Variants in CHN2 observed in about 807,000 individuals in gnomAD.
CHN2 encodes the protein beta-chimaerin.
A neutral mutation model predicts 56.3 loss-of-function variants in CHN2; 35 were observed. The ratio of observed to expected loss-of-function variants is 0.62; its 90% CI spans 0.47 to 0.82. CHN2 has a LOEUF of 0.82. Ranked by LOEUF, CHN2 falls within the 40% of genes least tolerant of loss-of-function variation. The pLI is 0.00. For missense variants in CHN2, 491 were observed against 580.5 expected (o/e 0.85, Z 1.58); for synonymous variants, 210 against 212.8 (o/e 0.99, Z 0.12).
chr7:29,172,656 T>A (rs115394025), intron 2 of CHN2, among the ~76,000 whole-genome samples: 1,568 of 152,358 alleles, frequency 0.01, 25 homozygotes, highest in African/African-American at 0.035. Context: ...TTCCTTTTTT[T>A]AAATATTAAT....
At chr7:29,162,030 C>T (rs539520979) in intron 2 of CHN2, among the ~76,000 whole-genome samples, 24 of 152,320 alleles carry the variant, frequency 1.6e-4, no homozygotes, top group Admixed American at 1.2e-3. Flanking sequence ...ATACCAAACA[C>T]TGGCATGGAT....
At chr7:29,339,896 A>G (rs1796912994) in intron 1 of CHN2, among the ~76,000 whole-genome samples, 1 of 151,892 alleles carries the variant, frequency 6.6e-6, no homozygotes, top group African/African-American at 2.4e-5. Flanking sequence ...ATAATATAAT[A>G]TATATGCCAA....
intron 6 of CHN2, among the ~76,000 whole-genome samples, chr7:29,477,639 G>GC (rs1195140582): frequency 6.6e-6 from 1 of 152,242 alleles, no homozygotes; most frequent in East Asian, 1.9e-4. Flanking sequence ...GGGAAGCCCT[G>GC]CAAAGGTATG....
intron 1 of CHN2, chr7:29,198,120 C>CA: frequency 2.2e-6 from 1 of 447,740 alleles, no homozygotes; most frequent in Non-Finnish European, 4.5e-6. Context: ...GTTCAGGTAG[C>CA]AGTGGGTTTG....
intron 1 of CHN2, among the ~76,000 whole-genome samples, chr7:29,198,817 A>G (rs1240737428): frequency 1.3e-5 from 2 of 152,216 alleles, no homozygotes; most frequent in South Asian, 2.1e-4. Context: ...TCAAGAAAAA[A>G]ATCAACCCAA....
chr7:29,256,065 T>A (rs954443968), intron 1 of CHN2, among the ~76,000 whole-genome samples: 1 of 152,238 alleles, frequency 6.6e-6, no homozygotes, highest in African/African-American at 2.4e-5. Context: ...TTGTAACACA[T>A]GCCTTTTTTC....
chr7:29,310,633 TCA>T (rs2128885726), intron 1 of CHN2, among the ~76,000 whole-genome samples: 1 of 152,344 alleles, frequency 6.6e-6, no homozygotes, highest in East Asian at 1.9e-4. Flanking sequence ...AACAAAAACA[TCA>T]CAGAGTGGGT....
chr7:29,414,081 T>C (rs1251756066), intron 6 of CHN2, among the ~76,000 whole-genome samples: 2 of 152,228 alleles, frequency 1.3e-5, no homozygotes, highest in East Asian at 3.8e-4. Context: ...TATAAAGCTC[T>C]GTATACCTTT....
chr7:29,506,908 T>C (rs1215615230), intron 10 of CHN2, among the ~76,000 whole-genome samples: 1 of 152,240 alleles, frequency 6.6e-6, no homozygotes, highest in Non-Finnish European at 1.5e-5. Flanking sequence ...TAGATTGTCA[T>C]TTTATTATGA....
At chr7:29,158,577 A>C (rs1343261245) in intron 2 of CHN2, among the ~76,000 whole-genome samples, 1 of 152,206 alleles carries the variant, frequency 6.6e-6, no homozygotes, top group East Asian at 1.9e-4. Flanking sequence ...ATTTCCTTCA[A>C]CATCCTCTAC....
At chr7:29,205,127 C>G (rs934014919) in intron 1 of CHN2, among the ~76,000 whole-genome samples, 1 of 152,206 alleles carries the variant, frequency 6.6e-6, no homozygotes, top group East Asian at 1.9e-4. Context: ...ATCTGTCATT[C>G]AGGAGTTAAT....
chr7:29,416,514 C>T (rs1213276991), intron 6 of CHN2, among the ~76,000 whole-genome samples: 7 of 152,184 alleles, frequency 4.6e-5, no homozygotes, highest in African/African-American at 1.7e-4. Flanking sequence ...CAAATTTTAG[C>T]GTACATGAGA....
intron 1 of CHN2, among the ~76,000 whole-genome samples, chr7:29,228,157 TATAC>T (rs746212354): frequency 2.0e-5 from 3 of 150,036 alleles, no homozygotes; most frequent in Non-Finnish European, 3.0e-5. Flanking sequence ...TATATATATA[TATAC>T]ACACACACAC....
At chr7:29,240,950 A>G (rs909514705) in intron 1 of CHN2, among the ~76,000 whole-genome samples, 2 of 151,552 alleles carry the variant, frequency 1.3e-5, no homozygotes, top group Non-Finnish European at 2.9e-5. Flanking sequence ...CGGTGAGGCA[A>G]TCTCAGCTCA....
chr7:29,400,579 C>T lies in CHN2; in HGVS notation c.327C>T (p.His109=), dbSNP rs34045356. The T allele has an allele frequency of 0.058, 94,058 of 1,614,010 alleles. 2,984 individuals carry two copies. Among genetic ancestry groups the T allele is most frequent in the African/African-American group, 0.095 (7,116 of 74,988 alleles). The change falls in exon 6 of 13, where the codon CAC becomes CAT. Residue 109 remains histidine, a synonymous_variant. Transcript: ENST00000222792. The part of the protein sequence containing the change: ...GNQTLNYRLF[H]DGKHFVGEKR... ...AGACCTTAAACTACAGGCTCTTCCA[C>T]GACGGGAAACACTTTGTGGGTGAGA...
intron 2 of CHN2, among the ~76,000 whole-genome samples, chr7:29,177,875 C>T (rs1369180402): frequency 6.6e-6 from 1 of 152,132 alleles, no homozygotes; most frequent in African/African-American, 2.4e-5. Context: ...CTTGACATCT[C>T]CTTAGACATT....
At chr7:29,453,265 G>A (rs1194484686) in intron 6 of CHN2, among the ~76,000 whole-genome samples, 1 of 152,182 alleles carries the variant, frequency 6.6e-6, no homozygotes, top group African/African-American at 2.4e-5. Flanking sequence ...TTGGATTTGT[G>A]GTCCAGGGAG....
intron 6 of CHN2, among the ~76,000 whole-genome samples, chr7:29,417,353 T>C (rs1459436343): frequency 9.0e-6 from 1 of 110,912 alleles, no homozygotes; most frequent in Admixed American, 9.7e-5. Context: ...TTTTTTTTTT[T>C]AAGACAGAGT....
At chr7:29,240,903 C>T (rs1735753060) in intron 1 of CHN2, among the ~76,000 whole-genome samples, 1 of 150,650 alleles carries the variant, frequency 6.6e-6, no homozygotes, top group Middle Eastern at 3.4e-3. Context: ...TTCCTTCTTT[C>T]TTCTTCTAGT....
Sources: allele counts gnomAD v4.1 joint callset (sites outside exome capture counted in the v4.1 genomes callset), GRCh38; gene constraint gnomAD v4.1.1; transcripts MANE v1.5; gene names NCBI Gene and HGNC (gene_info 2026-07-23, HGNC 2026-07-21).